DLC1: variants seen among roughly 807,000 people sequenced by gnomAD.
DLC1 encodes the protein DLC1 Rho GTPase activating protein.
DLC1 carries 54 observed loss-of-function variants against 140.3 expected under a neutral mutation model. The ratio of observed to expected loss-of-function variants is 0.38; its 90% CI spans 0.31 to 0.48. DLC1 has a LOEUF of 0.48. DLC1 is among the 20% of genes least tolerant of loss of function. DLC1 has a pLI of 0.96. For synonymous variants in DLC1, 986 were observed against 728.1 expected (o/e 1.35, Z -5.70); for missense variants, 2,536 against 1,907.0 (o/e 1.33, Z -6.14).
intron 1 of DLC1, among the ~76,000 whole-genome samples, chr8:13,530,845 G>A (rs546596068): frequency 6.6e-6 from 1 of 152,258 alleles, no homozygotes; most frequent in South Asian, 2.1e-4. Flanking sequence ...AGCTTACGTG[G>A]TTAAAAACAA....
At chr8:13,464,748 A>T (rs1316143719) in intron 2 of DLC1, among the ~76,000 whole-genome samples, 842 of 61,824 alleles carry the variant, frequency 0.014, 7 homozygotes, top group African/African-American at 0.042. Flanking sequence ...ATTTTAAATT[A>T]TATATATATA....
intron 1 of DLC1, among the ~76,000 whole-genome samples, chr8:13,511,703 C>T (rs150417610): frequency 6.6e-6 from 1 of 152,100 alleles, no homozygotes; most frequent in African/African-American, 2.4e-5. Context: ...TTCCCTTGTC[C>T]TCTTCCAATT....
intron 5 of DLC1, among the ~76,000 whole-genome samples, chr8:13,279,265 C>G (rs965716325): frequency 6.6e-6 from 1 of 152,180 alleles, no homozygotes; most frequent in African/African-American, 2.4e-5. Flanking sequence ...GTAGAGCACT[C>G]AGGTCTAATC....
intron 4 of DLC1, among the ~76,000 whole-genome samples, chr8:13,336,656 G>T (rs905844843): frequency 6.6e-6 from 1 of 152,160 alleles, no homozygotes; most frequent in Non-Finnish European, 1.5e-5. Flanking sequence ...TCATGTACTA[G>T]CTACATGCTC....
chr8:13,117,713 A>C (rs1820679789), intron 5 of DLC1, among the ~76,000 whole-genome samples: 1 of 152,348 alleles, frequency 6.6e-6, no homozygotes, highest in South Asian at 2.1e-4. Context: ...GTGGTGAGTA[A>C]CCAAAAATTC....
chr8:13,162,282 T>C (rs1044352059), intron 5 of DLC1, among the ~76,000 whole-genome samples: 1 of 151,630 alleles, frequency 6.6e-6, no homozygotes, highest in Non-Finnish European at 1.5e-5. Flanking sequence ...AGTTGTTGTC[T>C]TGGCAACTCA....
chr8:13,529,691 A>G (rs1196928098), intron 1 of DLC1, among the ~76,000 whole-genome samples: 1 of 152,222 alleles, frequency 6.6e-6, no homozygotes, highest in Non-Finnish European at 1.5e-5. Flanking sequence ...GAAGAAAGCA[A>G]ATAGATAAGA....
chr8:13,448,283 G>A (rs1319421203), intron 2 of DLC1, among the ~76,000 whole-genome samples: 4 of 152,118 alleles, frequency 2.6e-5, no homozygotes, highest in Admixed American at 6.5e-5. Flanking sequence ...GTATATATTC[G>A]AGCAATAGTC....
At chr8:13,506,494 TTTCTAGGTCGTG>T (rs1802069921) in intron 1 of DLC1, among the ~76,000 whole-genome samples, 1 of 150,440 alleles carries the variant, frequency 6.6e-6, no homozygotes, top group African/African-American at 2.5e-5. Context: ...CCATGTTAAA[TTTCTAGGTCGTG>T]TTCTCCACCT....
At chr8:13,133,230 A>C (rs1563662609) in intron 5 of DLC1, 1 of 1,406,948 alleles carries the variant, frequency 7.1e-7, no homozygotes, top group Admixed American at 3.0e-5. Context: ...TGATGCGGAG[A>C]GGTGCGGCCA....
At chr8:13,295,725 A>T (rs939058913) in intron 5 of DLC1, among the ~76,000 whole-genome samples, 1 of 152,158 alleles carries the variant, frequency 6.6e-6, no homozygotes, top group Non-Finnish European at 1.5e-5. Context: ...AAGTCGTTTT[A>T]TACTCAGTGA....
At position 13,500,160 on chromosome 8, in the gene DLC1, C is replaced by A; in HGVS notation, c.-89G>T. ...TGATGAAAGATTATTTCAAAATCAC[C>A]AATCAAAGAAGCGAATGAGTTCTGT... is the stretch of plus-strand genomic sequence containing the variant. On this transcript the variant is annotated 5_prime_UTR_variant, in exon 2 of 18. Coordinates refer to ENST00000276297, the MANE Select transcript of DLC1 (RefSeq NM_182643.3). The A allele has an allele frequency of 8.2e-7, 1 of 1,226,706 alleles. No individual in the cohort carries two copies. The highest frequency in any genetic ancestry group is 1.1e-6 in the Non-Finnish European group (1 of 883,448). The allele number at this position is 1,226,706 out of a possible 1,614,324, so 76.0% of individuals were successfully genotyped here.
intron 2 of DLC1, among the ~76,000 whole-genome samples, chr8:13,451,068 A>AAAAAAAAAAAAAAAAAAAAAAAAAAAG (rs1799028861): frequency 7.0e-6 from 1 of 143,876 alleles, no homozygotes; most frequent in East Asian, 2.0e-4. Flanking sequence ...AAAAAAAAAA[A>AAAAAAAAAAAAAAAAAAAAAAAAAAAG]GAAAAAAAGA....
intron 5 of DLC1, among the ~76,000 whole-genome samples, chr8:13,242,038 T>G (rs1184707428): frequency 6.6e-6 from 1 of 152,184 alleles, no homozygotes; most frequent in African/African-American, 2.4e-5. Context: ...CAGTGGTTTT[T>G]CAGCTCTTTT....
intron 5 of DLC1, among the ~76,000 whole-genome samples, chr8:13,214,978 T>TAC (rs1420386036): frequency 6.6e-6 from 1 of 151,956 alleles, no homozygotes; most frequent in Non-Finnish European, 1.5e-5. Context: ...CCAGGAGGAG[T>TAC]ACACACACAA....
intron 4 of DLC1, among the ~76,000 whole-genome samples, chr8:13,388,604 C>A (rs1355511053): frequency 6.6e-6 from 1 of 151,932 alleles, no homozygotes; most frequent in Admixed American, 6.6e-5. Context: ...TCAACACAGG[C>A]TTTTTGAAAA....
chr8:13,124,166 G>C (rs1036100549), intron 5 of DLC1, among the ~76,000 whole-genome samples: 1 of 152,166 alleles, frequency 6.6e-6, no homozygotes, highest in Non-Finnish European at 1.5e-5. Flanking sequence ...AAGAACTTGT[G>C]TACAGTAGGA....
intron 5 of DLC1, among the ~76,000 whole-genome samples, chr8:13,259,430 G>A (rs1485482725): frequency 2.6e-5 from 4 of 152,184 alleles, no homozygotes; most frequent in African/African-American, 9.7e-5. Flanking sequence ...GGCTCCCTTA[G>A]GGCCTTGGAA....
At chr8:13,504,404 C>T (rs1801959625) in intron 1 of DLC1, among the ~76,000 whole-genome samples, 3 of 152,250 alleles carry the variant, frequency 2.0e-5, no homozygotes, top group Middle Eastern at 6.8e-3. Flanking sequence ...GGATCACAGG[C>T]GTGAGCCACC....
Sources: allele counts gnomAD v4.1 joint callset (sites outside exome capture counted in the v4.1 genomes callset), GRCh38; gene constraint gnomAD v4.1.1; transcripts MANE v1.5; gene names NCBI Gene and HGNC (gene_info 2026-07-23, HGNC 2026-07-21).